IQCK: variants seen among roughly 807,000 people sequenced by gnomAD.
IQCK encodes IQ domain-containing protein K.
Under a neutral mutation model 28.1 loss-of-function variants are expected in IQCK, and 29 were observed. The ratio of observed to expected loss-of-function variants is 1.03; its 90% CI spans 0.77 to 1.41. The LOEUF (loss-of-function observed/expected upper bound fraction) is 1.41, where lower values mean the gene tolerates loss of function less well. Among genes scored for constraint, IQCK ranks in the 40% most tolerant of loss-of-function variants. The pLI, the probability that IQCK is intolerant of heterozygous loss-of-function variation, is 0.00. For missense variants in IQCK, 359 were observed against 314.7 expected (o/e 1.14, Z -1.07); for synonymous variants, 113 against 115.1 (o/e 0.98, Z 0.12).
intron 4 of IQCK, among the ~76,000 whole-genome samples, chr16:19,751,801 C>T (rs1005865379): frequency 5.9e-5 from 9 of 152,044 alleles, no homozygotes; most frequent in African/African-American, 1.9e-4. Context: ...ATCCTGAGAT[C>T]AAAATCTGTG....
chr16:19,846,016 G>A (rs2056411912), intron 9 of IQCK, among the ~76,000 whole-genome samples: 1 of 152,164 alleles, frequency 6.6e-6, no homozygotes, highest in Admixed American at 6.5e-5. Flanking sequence ...GGCAGAGGCT[G>A]CAGTGAGCTG....
chr16:19,854,699 G>A (rs190948464), intron 9 of IQCK, among the ~76,000 whole-genome samples: 117 of 152,340 alleles, frequency 7.7e-4, no homozygotes, highest in Admixed American at 2.4e-3. Flanking sequence ...CTGTTACGTT[G>A]TCAGGCTGCT....
At chr16:19,745,421 AGAG>A (rs1324210662) in intron 4 of IQCK, among the ~76,000 whole-genome samples, 1 of 152,158 alleles carries the variant, frequency 6.6e-6, no homozygotes, top group Non-Finnish European at 1.5e-5. Context: ...AGCAAAAGAG[AGAG>A]GAGGTGAGTT....
chr16:19,724,871 A>T (rs994345649), intron 1 of IQCK, among the ~76,000 whole-genome samples: 1 of 152,118 alleles, frequency 6.6e-6, no homozygotes, highest in African/African-American at 2.4e-5. Flanking sequence ...TATCAGGAAC[A>T]TGTTCAGCTG....
chr16:19,831,437 G>A (rs2056232203), downstream of IQCK, among the ~76,000 whole-genome samples: 1 of 152,126 alleles, frequency 6.6e-6, no homozygotes, highest in East Asian at 1.9e-4. Context: ...ACTTTGTTAA[G>A]CTCATGCGCT....
intron 7 of IQCK, among the ~76,000 whole-genome samples, chr16:19,804,732 A>G (rs1387401594): frequency 6.6e-6 from 1 of 152,168 alleles, no homozygotes; most frequent in Non-Finnish European, 1.5e-5. Flanking sequence ...CCTGGCCAGT[A>G]TTTGTATTTA....
chr16:19,722,888 T>G (rs1347086349), intron 1 of IQCK, among the ~76,000 whole-genome samples: 1 of 152,126 alleles, frequency 6.6e-6, no homozygotes, highest in Non-Finnish European at 1.5e-5. Context: ...AGCTAATTTT[T>G]GTATTTTTAG....
chr16:19,776,333 C>T lies in IQCK; in HGVS notation c.605+12221C>T, dbSNP rs139523532. ...TAAGAGTGTGGCTAATTATTCTGCT[C>T]TACTTCCCCTTCTGTCACCTGGTCC... On this transcript the variant is annotated intron_variant, in intron 6 of 7. Coordinates refer to ENST00000564186, the Ensembl canonical transcript of IQCK. 1.4e-4 allele frequency among the ~76,000 whole-genome samples: 21 copies of T among 152,276 alleles called. No individual in the cohort carries two copies. In the East Asian group the frequency reaches 2.7e-3, roughly 20 times the overall value.
intron 7 of IQCK, among the ~76,000 whole-genome samples, chr16:19,812,126 T>C (rs1002840745): frequency 6.6e-6 from 1 of 152,080 alleles, no homozygotes; most frequent in Non-Finnish European, 1.5e-5. Flanking sequence ...TGGCTGGGAT[T>C]ACAGGCGTGC....
Position 19,814,237 on chromosome 16 carries a change from A to AC in IQCK, c.691-12789_691-12788insC, listed in dbSNP as rs2055949524. ...CTCTATCTCAAAAAAAAAAAAAAAA[A>AC]AAAAAAAAACCACAAAAATTGGCTG... On this transcript the variant is annotated intron_variant, in intron 7 of 7. Transcript: ENST00000564186. 2.0e-5 allele frequency among the ~76,000 whole-genome samples: 3 copies of AC among 147,860 alleles called. 1 individual carries two copies. Among genetic ancestry groups the AC allele is most frequent in the African/African-American group, 7.6e-5 (3 of 39,534 alleles).
At chr16:19,737,437 A>G (rs2054773722) in intron 4 of IQCK, among the ~76,000 whole-genome samples, 1 of 152,078 alleles carries the variant, frequency 6.6e-6, no homozygotes, top group Admixed American at 6.6e-5. Flanking sequence ...TAATCACTCC[A>G]TATTATACCT....
At chr16:19,730,826 G>C (rs1165049273) in intron 2 of IQCK, among the ~76,000 whole-genome samples, 1 of 152,102 alleles carries the variant, frequency 6.6e-6, no homozygotes, top group Non-Finnish European at 1.5e-5. Context: ...CCAGGTTGGA[G>C]TGCAGTGGCA....
At chr16:19,815,006 C>T (rs1162411067) in intron 7 of IQCK, among the ~76,000 whole-genome samples, 1 of 152,030 alleles carries the variant, frequency 6.6e-6, no homozygotes, top group Non-Finnish European at 1.5e-5. Flanking sequence ...AGGCTGGTCT[C>T]GAATTCCTGT....
chr16:19,836,761 C>T (rs571091740), intron 9 of IQCK, among the ~76,000 whole-genome samples: 2 of 152,284 alleles, frequency 1.3e-5, no homozygotes, highest in South Asian at 4.2e-4. Flanking sequence ...ATCCGCCCGC[C>T]CTGGCCTCCC....
chr16:19,736,539 C>G (rs963669663), intron 4 of IQCK, among the ~76,000 whole-genome samples: 1 of 152,202 alleles, frequency 6.6e-6, no homozygotes. Context: ...TAGAGGCTCC[C>G]TCTTTTCCGT....
intron 4 of IQCK, among the ~76,000 whole-genome samples, chr16:19,758,181 T>C (rs901821987): frequency 1.3e-5 from 2 of 152,162 alleles, no homozygotes; most frequent in Non-Finnish European, 2.9e-5. Flanking sequence ...CTTTCTCTCC[T>C]ACTTCCTCTC....
chr16:19,820,271 C>T (rs765131792), intron 7 of IQCK, among the ~76,000 whole-genome samples: 4 of 152,164 alleles, frequency 2.6e-5, no homozygotes, highest in Non-Finnish European at 5.9e-5. Context: ...AATCCTAGCA[C>T]TTTGGGAGAT....
chr16:19,742,242 T>C (rs540290805), intron 4 of IQCK, among the ~76,000 whole-genome samples: 1 of 152,342 alleles, frequency 6.6e-6, no homozygotes, highest in East Asian at 1.9e-4. Flanking sequence ...TCTCACGCTT[T>C]GCCAGGAAGT....
At chr16:19,721,176 A>G (rs1037840527) in intron 1 of IQCK, among the ~76,000 whole-genome samples, 2 of 152,246 alleles carry the variant, frequency 1.3e-5, no homozygotes, top group Admixed American at 6.5e-5. Context: ...AACATGAAAA[A>G]ACAGGCTTTG....
Sources: allele counts gnomAD v4.1 joint callset (sites outside exome capture counted in the v4.1 genomes callset), GRCh38; gene constraint gnomAD v4.1.1; transcripts MANE v1.5; gene names NCBI Gene and HGNC (gene_info 2026-07-23, HGNC 2026-07-21).